The following REEP1 variants were observed in gnomAD, a reference collection of about 807,000 sequenced individuals.
The protein encoded by REEP1 is receptor expression-enhancing protein 1.
REEP1 carries 22 observed loss-of-function variants against 40.3 expected under a neutral mutation model. The observed-to-expected ratio is 0.55, with a 90% CI of 0.39 to 0.78. REEP1 has a LOEUF of 0.78. REEP1 is among the 30% of genes least tolerant of loss of function. The pLI is 0.00. For missense variants in REEP1, 280 were observed against 361.1 expected, an observed-to-expected ratio of 0.78 and a Z score of 1.82; for synonymous variants, 116 against 139.2, an observed-to-expected ratio of 0.83 and a Z score of 1.17.
intron 7 of REEP1, among the ~76,000 whole-genome samples, chr2:86,220,824 A>C (rs1048285856): frequency 2.0e-5 from 3 of 152,148 alleles, no homozygotes; most frequent in Non-Finnish European, 4.4e-5. Flanking sequence ...GTCTGCCTTG[A>C]ATACATCTGC....
intron 5 of REEP1, among the ~76,000 whole-genome samples, chr2:86,250,269 C>T (rs1052541533): frequency 6.6e-6 from 1 of 152,098 alleles, no homozygotes; most frequent in Non-Finnish European, 1.5e-5. Flanking sequence ...AGATATAGCA[C>T]GTTTATACTC....
intron 3 of REEP1, among the ~76,000 whole-genome samples, chr2:86,258,930 T>C (rs7575407): frequency 0.01 from 1,563 of 152,246 alleles, 29 homozygotes; most frequent in African/African-American, 0.035. Flanking sequence ...GGGTTAGACA[T>C]GGGATGAAAC....
chr2:86,303,065 T>A (rs1322349410), intron 1 of REEP1, among the ~76,000 whole-genome samples: 1 of 152,128 alleles, frequency 6.6e-6, no homozygotes, highest in East Asian at 1.9e-4. Flanking sequence ...TTTTTAGAAA[T>A]GGGGTCTTGC....
intron 1 of REEP1, among the ~76,000 whole-genome samples, chr2:86,314,662 G>T (rs1419912391): frequency 6.6e-6 from 1 of 151,348 alleles, no homozygotes; most frequent in Non-Finnish European, 1.5e-5. Flanking sequence ...GTGTGCTTTT[G>T]GGGAGGCAGT....
At chr2:86,271,513 A>AG (rs1469281181) in intron 2 of REEP1, among the ~76,000 whole-genome samples, 1 of 152,216 alleles carries the variant, frequency 6.6e-6, no homozygotes, top group African/African-American at 2.4e-5. Context: ...AGGAAAAAAA[A>AG]TGTCAACCTA....
At chr2:86,245,753 A>G (rs190570611) in intron 5 of REEP1, among the ~76,000 whole-genome samples, 229 of 149,056 alleles carry the variant, frequency 1.5e-3, no homozygotes, top group African/African-American at 5.5e-3. Context: ...CTGGTCCCCA[A>G]CATATACTCA....
At chr2:86,333,321 G>A (rs1680860578) in intron 1 of REEP1, among the ~76,000 whole-genome samples, 1 of 152,136 alleles carries the variant, frequency 6.6e-6, no homozygotes, top group Non-Finnish European at 1.5e-5. Context: ...CCTGACCCAG[G>A]ACAGACTTCA....
chr2:86,245,968 G>T (rs1675927504), intron 5 of REEP1, among the ~76,000 whole-genome samples: 1 of 152,042 alleles, frequency 6.6e-6, no homozygotes, highest in South Asian at 2.1e-4. Context: ...GTTTCACCAT[G>T]TTAGCCAGGA....
intron 1 of REEP1, among the ~76,000 whole-genome samples, chr2:86,335,742 G>C (rs970764942): frequency 6.6e-6 from 1 of 151,762 alleles, no homozygotes; most frequent in African/African-American, 2.4e-5. Context: ...CCAGCTACTC[G>C]GGAGGCTGAG....
At chr2:86,309,746 C>T (rs1418295542) in intron 1 of REEP1, among the ~76,000 whole-genome samples, 1 of 152,098 alleles carries the variant, frequency 6.6e-6, no homozygotes, top group Non-Finnish European at 1.5e-5. Flanking sequence ...GATACTAATC[C>T]CATCATAAAA....
chr2:86,289,828 G>A (rs1263909219), intron 1 of REEP1, among the ~76,000 whole-genome samples: 1 of 151,968 alleles, frequency 6.6e-6, no homozygotes, highest in Admixed American at 6.6e-5. Flanking sequence ...TTAGATTTTC[G>A]AGTGGTTATT....
intron 5 of REEP1, among the ~76,000 whole-genome samples, chr2:86,236,870 G>A (rs139833482): frequency 0.025 from 3,747 of 152,204 alleles, 84 homozygotes; most frequent in Non-Finnish European, 0.038. Context: ...GAGTAGCTGG[G>A]ACAACAGGTG....
intron 7 of REEP1, among the ~76,000 whole-genome samples, chr2:86,221,743 C>T (rs1322592224): frequency 1.3e-5 from 2 of 152,154 alleles, no homozygotes; most frequent in Non-Finnish European, 2.9e-5. Context: ...GGCCACTCAT[C>T]AACTAAACTA....
At position 86,216,952 on chromosome 2, in the gene REEP1, G is replaced by T; in HGVS notation, c.*87C>A. The stretch of plus-strand genomic sequence containing the variant: ...AGGCTGCACACTCAAAGCACACCCA[G>T]CTTGCGGATTTCTATGTTATTAGTG... On this transcript the variant is annotated 3_prime_UTR_variant, in exon 9 of 9. Transcript: ENST00000538924. 9.0e-7 allele frequency: 1 copy of T among 1,115,946 alleles called. No homozygotes were observed. The highest frequency in any genetic ancestry group is 1.4e-6 in the Non-Finnish European group (1 of 738,504). The allele number at this position is 1,115,946 out of a possible 1,614,324, so 69.1% of individuals were successfully genotyped here.
intron 6 of REEP1, among the ~76,000 whole-genome samples, chr2:86,231,578 A>T (rs1675019228): frequency 6.7e-6 from 1 of 148,264 alleles, no homozygotes; most frequent in Admixed American, 6.6e-5. Flanking sequence ...CTGCATAGTC[A>T]CAGGTGGCCA....
At position 86,337,582 on chromosome 2, in the gene REEP1, G is replaced by T; in HGVS notation, c.-72C>A. Reference sequence around the variant, plus strand: ...GCTGCGGGCGGCGCGGGCTGCTGCGGCGTTCCCGGAACGTCAGTCAGCTCA... The same window carrying T: ...GCTGCGGGCGGCGCGGGCTGCTGCGTCGTTCCCGGAACGTCAGTCAGCTCA... On this transcript the variant is annotated 5_prime_UTR_variant, in exon 1 of 9. Coordinates refer to ENST00000538924, the MANE Select transcript of REEP1 (RefSeq NM_001371279.1). The surrounding 1 kb of genome is among the most constrained non-coding windows in gnomAD (Gnocchi z 5.8). The T allele has an allele frequency of 8.5e-7, 1 of 1,181,176 alleles. No individual in the cohort carries two copies. Among genetic ancestry groups the T allele is most frequent in the Non-Finnish European group, 1.0e-6 (1 of 956,900 alleles). 73.2% of individuals were successfully genotyped at this position (1,181,176 alleles called of 1,614,324 possible). A position where few individuals can be genotyped will look rare whatever the true frequency, so the allele number is the denominator to read the frequency against.
intron 8 of REEP1, among the ~76,000 whole-genome samples, chr2:86,217,666 A>ATTTTTTTTTTTTTGTTTTTT (rs1674191401): frequency 8.9e-6 from 1 of 112,892 alleles, no homozygotes; most frequent in African/African-American, 3.1e-5. Flanking sequence ...GGGATTTCAG[A>ATTTTTTTTTTTTTGTTTTTT]TTTTTTTTTT....
chr2:86,235,162 TAC>T (rs1164888772), intron 5 of REEP1, among the ~76,000 whole-genome samples: 1 of 152,166 alleles, frequency 6.6e-6, no homozygotes, highest in Non-Finnish European at 1.5e-5. Context: ...ACACCAAAAA[TAC>T]AGTTTGATTT....
At chr2:86,322,152 T>A (rs1680296670) in intron 1 of REEP1, among the ~76,000 whole-genome samples, 2 of 152,176 alleles carry the variant, frequency 1.3e-5, no homozygotes, top group Admixed American at 1.3e-4. Flanking sequence ...TGTATGACAT[T>A]TATAGCAAAA....
Sources: gnomAD v4.1 joint callset for allele counts (sites outside exome capture counted in the v4.1 genomes callset) on GRCh38, gnomAD v4.1.1 for gene constraint, Gnocchi (gnomAD v3.1) non-coding constraint, MANE v1.5 for transcripts, NCBI Gene and HGNC (gene_info 2026-07-23, HGNC 2026-07-21) for gene names.